Variants in KIF16B observed in about 807,000 individuals in gnomAD.
KIF16B encodes the protein kinesin family member 16B.
In KIF16B, 98 loss-of-function variants were observed where a neutral mutation model predicts 156.3. The observed-to-expected ratio is 0.63, with a 90% CI of 0.53 to 0.74. The LOEUF is 0.74. Among genes scored for constraint, KIF16B ranks in the 30% least tolerant of loss-of-function variants. The pLI is 0.00. For missense variants in KIF16B, 1,421 were observed against 1,606.5 expected (o/e 0.88, Z 1.97); for synonymous variants, 564 against 583.7 (o/e 0.97, Z 0.49).
chr20:16,568,991 G>A (rs1461375639), intron 1 of KIF16B, among the ~76,000 whole-genome samples: 1 of 152,044 alleles, frequency 6.6e-6, no homozygotes, highest in Admixed American at 6.6e-5. Context: ...AAGAGGTAGG[G>A]CCTTTGGGAG....
At chr20:16,376,492 G>A (rs117449433) in intron 19 of KIF16B, among the ~76,000 whole-genome samples, 6 of 152,210 alleles carry the variant, frequency 3.9e-5, no homozygotes, top group African/African-American at 1.2e-4. Flanking sequence ...TGGCTTAGCC[G>A]TGAGAACCCT....
chr20:16,501,302 CTTGGTTCAATACCAAGAATTGAAT>C (rs2068616847), intron 10 of KIF16B, among the ~76,000 whole-genome samples: 1 of 84,472 alleles, frequency 1.2e-5, no homozygotes, highest in Non-Finnish European at 3.1e-5. Flanking sequence ...GAATTGAATT[CTTGGTTCAATACCAAGAATTGAAT>C]TCTTGGTTCA....
chr20:16,290,245 C>T (rs1009409388), intron 25 of KIF16B, among the ~76,000 whole-genome samples: 1 of 152,184 alleles, frequency 6.6e-6, no homozygotes, highest in Admixed American at 6.5e-5. Flanking sequence ...CTAAAAGACT[C>T]GGCCATCGAG....
intron 1 of KIF16B, among the ~76,000 whole-genome samples, chr20:16,533,445 G>A (rs2069832912): frequency 6.6e-6 from 1 of 152,176 alleles, no homozygotes; most frequent in Non-Finnish European, 1.5e-5. Flanking sequence ...GCACTGCTCT[G>A]ATGCTGTACT....
intron 25 of KIF16B, among the ~76,000 whole-genome samples, chr20:16,307,927 T>C (rs980099985): frequency 6.6e-6 from 1 of 152,168 alleles, no homozygotes; most frequent in Admixed American, 6.5e-5. Context: ...TTATATACTA[T>C]GTATGTGTGT....
At chr20:16,306,385 C>T (rs1384945682) in intron 25 of KIF16B, among the ~76,000 whole-genome samples, 1 of 152,168 alleles carries the variant, frequency 6.6e-6, no homozygotes, top group Non-Finnish European at 1.5e-5. Context: ...CTGTAAATAA[C>T]ACTGTGTCAA....
At chr20:16,467,346 C>T (rs1043398634) in intron 12 of KIF16B, among the ~76,000 whole-genome samples, 6 of 152,306 alleles carry the variant, frequency 3.9e-5, no homozygotes, top group African/African-American at 1.2e-4. Flanking sequence ...TACCACAGCT[C>T]CTCTTACCCA....
At chr20:16,381,621 G>A (rs2065098695) in intron 18 of KIF16B, 73 bp downstream of exon 18, 1 of 1,122,608 alleles carries the variant, frequency 8.9e-7, no homozygotes, top group Non-Finnish European at 1.3e-6. Flanking sequence ...AGACACAGAT[G>A]GAATCAGTCC....
intron 1 of KIF16B, among the ~76,000 whole-genome samples, chr20:16,561,120 T>C (rs896925123): frequency 2.0e-5 from 3 of 151,980 alleles, no homozygotes; most frequent in Non-Finnish European, 4.4e-5. Context: ...TGAAACCCCG[T>C]CTCTACTAAA....
At chr20:16,568,543 G>A (rs556178127) in intron 1 of KIF16B, among the ~76,000 whole-genome samples, 3 of 152,220 alleles carry the variant, frequency 2.0e-5, no homozygotes, top group East Asian at 3.9e-4. Flanking sequence ...CAGCTCTTTC[G>A]TGGATCACAC....
chr20:16,465,023 T>C (rs2067448909), intron 12 of KIF16B, among the ~76,000 whole-genome samples: 1 of 152,172 alleles, frequency 6.6e-6, no homozygotes, highest in Admixed American at 6.6e-5. Context: ...ATCTAACTGT[T>C]AAAACTAACT....
Position 16,378,893 on chromosome 20 carries a change from C to T in KIF16B, c.3109G>A (p.Ala1037Thr). The T allele has an allele frequency of 6.2e-7, 1 of 1,614,054 alleles. No homozygotes were observed. Among genetic ancestry groups the T allele is most frequent in the Non-Finnish European group, 8.5e-7 (1 of 1,179,946 alleles). The change falls in exon 19 of 26, where the codon GCC becomes ACC. Residue 1037 changes from alanine to threonine, a missense_variant. Ala to Thr is a moderately conservative substitution (Grantham distance 58). Transcript: ENST00000354981. ...TCTCTGCTGCCACTGTTCAGACTGG[C>T]AAGTTTCTGCCTCTGCTCTTCAATC... ...MEIEEQRQKL[A>T]SLNSGSREQS... is the part of the protein sequence containing the mutation.
At chr20:16,463,371 G>C (rs1399872033) in intron 12 of KIF16B, among the ~76,000 whole-genome samples, 16 of 152,122 alleles carry the variant, frequency 1.1e-4, no homozygotes, top group Admixed American at 1.0e-3. Flanking sequence ...TCACAGTAAG[G>C]CACTATACCT....
rs968607910 is a variant in KIF16B, at chr20:16,360,485, A to G, written c.3499-4033T>C. On this transcript the variant is annotated intron_variant, in intron 22 of 25. Coordinates refer to ENST00000354981, the MANE Select transcript of KIF16B (RefSeq NM_024704.5). ...AAGGGAAAGTTGATGGCATTGTAGT[A>G]GGAGGTGTGAGGAACACCTCTCTGC... is the stretch of plus-strand genomic sequence containing the variant. Among the ~76,000 whole-genome samples, 4 of 152,172 alleles carry G rather than the reference A, an allele frequency of 2.6e-5. No individual in the cohort carries two copies. In the East Asian group the frequency reaches 7.7e-4, roughly 29 times the overall value.
rs1245094506 is a variant in KIF16B at position 16,506,231 on chromosome 20, G to T, written c.700-41C>A. 1.4e-5 allele frequency: 21 copies of T among 1,518,410 alleles called. No individual in the cohort carries two copies. The East Asian group carries it at 4.5e-4, about 33-fold the overall frequency. 94.1% of individuals were successfully genotyped at this position (1,518,410 alleles called of 1,614,324 possible). A position where few individuals can be genotyped will look rare whatever the true frequency, so the allele number is the denominator to read the frequency against. ...AAAGTAAAATTGAAGAGGTGCAAAG[G>T]GCCCTGATGTTGTTGATGATATGAA... is the stretch of plus-strand genomic sequence containing the variant. On this transcript the variant is annotated intron_variant, in intron 7 of 25. Transcript: ENST00000354981.
Position 16,573,448 on chromosome 20 carries a change from T to G in KIF16B, c.-173A>C. 2 of 665,346 alleles carry G rather than the reference T, an allele frequency of 3.0e-6. No homozygotes were observed. Among genetic ancestry groups the G allele is most frequent in the Non-Finnish European group, 2.5e-6 (1 of 403,302 alleles). 41.2% of individuals were successfully genotyped at this position (665,346 alleles called of 1,614,324 possible). The stretch of plus-strand genomic sequence containing the variant: ...GCCCCACCTGCCAGGCCACTGAGCA[T>G]GCCCAGAACGGCTCCGGCCCGCGTG... On this transcript the variant is annotated 5_prime_UTR_variant, in exon 1 of 26. The change abolishes an upstream ATG in the 5' untranslated region. Transcript: ENST00000354981.
intron 25 of KIF16B, among the ~76,000 whole-genome samples, chr20:16,286,295 T>C (rs2063221367): frequency 6.6e-6 from 1 of 152,236 alleles, no homozygotes; most frequent in Non-Finnish European, 1.5e-5. Flanking sequence ...TCGAAGGGTA[T>C]GTGCCTTTTA....
Position 16,379,882 on chromosome 20 carries a change from T to G in KIF16B, c.2120A>C (p.Glu707Ala), listed in dbSNP as rs1475147033. ...QEEETFLRVQ[E>A]ELQRLKELNN... Reference sequence around the variant, plus strand: ...GAGTTCTTTGAGTCGTTGGAGTTCTTCTTGGACGCGGAGAAAGGTCTCTTC... The same window carrying G: ...GAGTTCTTTGAGTCGTTGGAGTTCTGCTTGGACGCGGAGAAAGGTCTCTTC... Residue 707 changes from glutamate (E) to alanine (A), a missense_variant, in exon 19 of 26, where the codon GAA (glutamate) becomes GCA (alanine). Coordinates refer to ENST00000354981, the MANE Select transcript of KIF16B (RefSeq NM_024704.5). 1.9e-6 allele frequency: 3 copies of G among 1,614,244 alleles called. No homozygotes were observed. Among genetic ancestry groups the G allele is most frequent in the Admixed American group, 1.7e-5 (1 of 60,028 alleles).
At chr20:16,546,695 T>A (rs947447640) in intron 1 of KIF16B, among the ~76,000 whole-genome samples, 7 of 152,190 alleles carry the variant, frequency 4.6e-5, no homozygotes, top group African/African-American at 1.2e-4. Context: ...TTTATCTACA[T>A]CAACTCAATG....
Sources: gnomAD v4.1 joint callset for allele counts (sites outside exome capture counted in the v4.1 genomes callset) on GRCh38, gnomAD v4.1.1 for gene constraint, MANE v1.5 for transcripts, NCBI Gene and HGNC (gene_info 2026-07-23, HGNC 2026-07-21) for gene names.